RP1: variants seen among roughly 807,000 people sequenced by gnomAD.
RP1 encodes the protein oxygen-regulated protein 1.
In RP1, 16 loss-of-function variants were observed where a neutral mutation model predicts 14.8. That is an observed-to-expected ratio of 1.08 (90% CI 0.73 to 1.65). RP1 has a LOEUF of 1.65. Ranked by LOEUF, RP1 falls within the 40% of genes most tolerant of loss-of-function variation. The pLI, the probability that RP1 is intolerant of heterozygous loss-of-function variation, is 0.00. For missense variants in RP1, 2,631 were observed against 2,535.0 expected, an observed-to-expected ratio of 1.04 and a Z score of -0.81; for synonymous variants, 876 against 883.6, an observed-to-expected ratio of 0.99 and a Z score of 0.15.
rs950865361 is a variant in RP1 at position 54,572,269 on chromosome 8, C to T, written c.-13+12949C>T. On this transcript the variant is annotated intron_variant, in intron 1 of 22. Transcript: ENST00000636932. ...GTCTGCACAGGGTGTTTCAGCTGAC[C>T]GGCATCAGGCCCACTTGACTGAACA... Among the ~76,000 whole-genome samples, 6 of 152,334 alleles carry T rather than the reference C, an allele frequency of 3.9e-5. No individual in the cohort carries two copies. In the East Asian group the frequency reaches 7.7e-4, roughly 20 times the overall value.
At chr8:54,592,658 G>T (rs1563320498) in intron 1 of RP1, among the ~76,000 whole-genome samples, 1 of 152,162 alleles carries the variant, frequency 6.6e-6, no homozygotes, top group Non-Finnish European at 1.5e-5. Context: ...CAGGAATGGG[G>T]CTTATTTTTC....
At chr8:54,843,283 C>T (rs1811832655) in intron 25 of RP1, among the ~76,000 whole-genome samples, 1 of 152,040 alleles carries the variant, frequency 6.6e-6, no homozygotes, top group African/African-American at 2.4e-5. Flanking sequence ...GGTTTTGCCA[C>T]GTTGGCCAGG....
chr8:54,655,471 A>G (rs915913948), intron 5 of RP1, among the ~76,000 whole-genome samples: 3 of 152,220 alleles, frequency 2.0e-5, no homozygotes, highest in Non-Finnish European at 4.4e-5. Context: ...TCAGTGCTTG[A>G]GTTTTGTTCA....
intron 24 of RP1, among the ~76,000 whole-genome samples, chr8:54,789,711 T>G (rs985212188): frequency 1.3e-5 from 2 of 152,178 alleles, no homozygotes; most frequent in Admixed American, 6.5e-5. Flanking sequence ...CAAACCCACC[T>G]AATCGTGGAG....
upstream of RP1, among the ~76,000 whole-genome samples, chr8:54,611,430 C>T (rs917715358): frequency 6.6e-6 from 1 of 152,088 alleles, no homozygotes; most frequent in Non-Finnish European, 1.5e-5. Context: ...TTCAGTTGTC[C>T]TATTTTCAAG....
chr8:54,772,911 T>G (rs907686220), downstream of RP1, among the ~76,000 whole-genome samples: 1 of 152,268 alleles, frequency 6.6e-6, no homozygotes, highest in African/African-American at 2.4e-5. Flanking sequence ...AGTGAAAGGA[T>G]GTTTTTAATT....
At chr8:54,731,563 A>G (rs897934805) in intron 17 of RP1, among the ~76,000 whole-genome samples, 6 of 152,176 alleles carry the variant, frequency 3.9e-5, no homozygotes, top group Non-Finnish European at 7.4e-5. Flanking sequence ...AACAGTACAA[A>G]CTTTAATACA....
chr8:54,654,886 G>A (rs1386135489), intron 5 of RP1, among the ~76,000 whole-genome samples: 1 of 152,128 alleles, frequency 6.6e-6, no homozygotes, highest in Non-Finnish European at 1.5e-5. Context: ...GGCTCAAGCA[G>A]TCTGCCCACC....
chr8:54,865,361 C>A (rs6473952), intron 27 of RP1, among the ~76,000 whole-genome samples: 80,091 of 149,940 alleles, frequency 0.53, 21,502 homozygotes, highest in South Asian at 0.71. Context: ...CTCCCTTCTT[C>A]CCTCCTTCTC....
At chr8:54,738,050 A>T (rs1024072342) in intron 18 of RP1, among the ~76,000 whole-genome samples, 4 of 152,210 alleles carry the variant, frequency 2.6e-5, no homozygotes, top group Non-Finnish European at 4.4e-5. Flanking sequence ...ATATCTGCTT[A>T]TAAGTCTGTC....
chr8:54,563,835 C>T (rs1230518635), intron 1 of RP1, among the ~76,000 whole-genome samples: 1 of 152,172 alleles, frequency 6.6e-6, no homozygotes, highest in African/African-American at 2.4e-5. Context: ...AGACATGAGC[C>T]ACCACGCCCG....
rs758211043 is a variant in RP1 at position 54,628,261 on chromosome 8, G to T, written c.4379G>T (p.Arg1460Ile). The T allele has an allele frequency of 1.2e-6, 2 of 1,613,912 alleles. No individual in the cohort carries two copies. Among genetic ancestry groups the T allele is most frequent in the Non-Finnish European group, 1.7e-6 (2 of 1,179,906 alleles). ...SITNSMTSSERNISELESFEE... is the reference protein window; with the variant it reads ...SITNSMTSSEINISELESFEE... ...ACCAACAGCATGACATCAAGTGAAA[G>T]AAACATTTCAGAATTGGAATCTTTT... The change falls in exon 4 of 4, where the codon AGA (arginine) becomes ATA (isoleucine). Residue 1460 changes from arginine to isoleucine, a missense_variant. Arg to Ile is a moderately conservative substitution (Grantham distance 97). Coordinates refer to ENST00000220676, the MANE Select transcript of RP1 (RefSeq NM_006269.2).
At chr8:54,693,567 T>C (rs1420799389) in intron 12 of RP1, among the ~76,000 whole-genome samples, 2 of 152,172 alleles carry the variant, frequency 1.3e-5, no homozygotes, top group Admixed American at 6.5e-5. Context: ...GATATTTTAT[T>C]CTCTTTGAAG....
At chr8:54,694,226 T>C (rs1807796390) in intron 12 of RP1, among the ~76,000 whole-genome samples, 1 of 152,194 alleles carries the variant, frequency 6.6e-6, no homozygotes, top group African/African-American at 2.4e-5. Flanking sequence ...TTTGCCAGTA[T>C]TTTATTGAGG....
chr8:54,582,875 C>T (rs1443709637), intron 1 of RP1, among the ~76,000 whole-genome samples: 2 of 152,130 alleles, frequency 1.3e-5, no homozygotes, highest in Non-Finnish European at 2.9e-5. Flanking sequence ...GCTGAAGTTG[C>T]CTATCAGCTT....
intron 25 of RP1, among the ~76,000 whole-genome samples, chr8:54,844,123 A>T (rs982909094): frequency 6.6e-6 from 1 of 152,074 alleles, no homozygotes; most frequent in African/African-American, 2.4e-5. Flanking sequence ...CTTGCTCAGA[A>T]CTTTTTCCCG....
intron 15 of RP1, among the ~76,000 whole-genome samples, chr8:54,714,511 T>C (rs1347941241): frequency 6.6e-6 from 1 of 152,114 alleles, no homozygotes; most frequent in Non-Finnish European, 1.5e-5. Context: ...TAATTATGTG[T>C]CACCCACCCA....
chr8:54,559,981 A>G (rs910436927), intron 1 of RP1, among the ~76,000 whole-genome samples: 4 of 152,212 alleles, frequency 2.6e-5, no homozygotes, highest in Admixed American at 6.5e-5. Flanking sequence ...TTAATTTTTC[A>G]TATTGTTGAG....
chr8:54,719,259 T>C (rs79354968), intron 15 of RP1, among the ~76,000 whole-genome samples: 4,408 of 152,256 alleles, frequency 0.029, 125 homozygotes, highest in African/African-American at 0.065. Flanking sequence ...TTGTCTTCTC[T>C]ACTCGACCAT....
Sources: gnomAD v4.1 joint callset for allele counts (sites outside exome capture counted in the v4.1 genomes callset) on GRCh38, gnomAD v4.1.1 for gene constraint, MANE v1.5 for transcripts, NCBI Gene and HGNC (gene_info 2026-07-23, HGNC 2026-07-21) for gene names.